SH3RF3: variants seen among roughly 807,000 people sequenced by gnomAD.
SH3RF3 encodes E3 ubiquitin-protein ligase SH3RF3.
SH3RF3 carries 29 observed loss-of-function variants against 66.3 expected under a neutral mutation model. The observed-to-expected ratio is 0.44, with a 90% CI of 0.33 to 0.60. The LOEUF is 0.60. SH3RF3 is among the 20% of genes least tolerant of loss of function. The probability of loss-of-function intolerance (pLI) is 0.04; values close to 1 mark genes in which losing one functional copy is unlikely to be tolerated. For synonymous variants in SH3RF3, 583 were observed against 532.0 expected (o/e 1.10, Z -1.32); for missense variants, 1,194 against 1,190.9 (o/e 1.00, Z -0.04).
intron 4 of SH3RF3, among the ~76,000 whole-genome samples, chr2:109,400,359 G>A (rs956474447): frequency 3.3e-5 from 5 of 151,520 alleles, no homozygotes; most frequent in South Asian, 2.1e-4. Context: ...TACATACACC[G>A]CCATCCACAT....
intron 1 of SH3RF3, among the ~76,000 whole-genome samples, chr2:109,206,694 T>C (rs1678849913): frequency 1.3e-5 from 2 of 152,052 alleles, no homozygotes; most frequent in African/African-American, 4.8e-5. Flanking sequence ...TGTATGCTTA[T>C]AATTCCAGCT....
intron 3 of SH3RF3, among the ~76,000 whole-genome samples, chr2:109,375,684 A>C (rs1683366037): frequency 6.6e-6 from 1 of 152,222 alleles, no homozygotes; most frequent in African/African-American, 2.4e-5. Flanking sequence ...GGACTCCGTC[A>C]TCCAGAGTTC....
intron 1 of SH3RF3, among the ~76,000 whole-genome samples, chr2:109,253,668 G>C (rs1680149861): frequency 6.6e-6 from 1 of 152,038 alleles, no homozygotes; most frequent in South Asian, 2.1e-4. Flanking sequence ...GTTGTATCTG[G>C]GTCATTTGGA....
At chr2:109,300,895 T>C (rs1681450356) in intron 1 of SH3RF3, among the ~76,000 whole-genome samples, 1 of 152,228 alleles carries the variant, frequency 6.6e-6, no homozygotes, top group African/African-American at 2.4e-5. Flanking sequence ...TCTGCTGCTT[T>C]GGAGGCAGCT....
intron 7 of SH3RF3, among the ~76,000 whole-genome samples, chr2:109,441,415 A>G (rs577331920): frequency 2.0e-5 from 3 of 152,358 alleles, no homozygotes; most frequent in African/African-American, 7.2e-5. Flanking sequence ...AGAATATACT[A>G]GATGGAATTA....
intron 2 of SH3RF3, among the ~76,000 whole-genome samples, chr2:109,367,128 T>C (rs973798693): frequency 5.4e-5 from 8 of 149,236 alleles, no homozygotes; most frequent in African/African-American, 2.0e-4. Context: ...AATTTTTTTT[T>C]TTTTTTTTTT....
At chr2:109,347,623 G>C (rs1423242065) in intron 1 of SH3RF3, 51 bp from the exon 2 acceptor site, 1 of 1,586,038 alleles carries the variant, frequency 6.3e-7, no homozygotes, top group Non-Finnish European at 8.6e-7. Context: ...TCCACTGTGG[G>C]GCATTGGGAA....
intron 1 of SH3RF3, among the ~76,000 whole-genome samples, chr2:109,242,767 C>G (rs1053633660): frequency 6.6e-6 from 1 of 152,176 alleles, no homozygotes; most frequent in Admixed American, 6.5e-5. Context: ...TCCCCAGTGA[C>G]GTCCTCAGGC....
chr2:109,425,595 G>A lies in SH3RF3; in HGVS notation c.1403+5953G>A, dbSNP rs184458256. Among the ~76,000 whole-genome samples, 6 of 152,262 alleles carry A rather than the reference G, an allele frequency of 3.9e-5. No homozygotes were observed. The East Asian group carries it at 1.2e-3, about 29-fold the overall frequency. On this transcript the variant is annotated intron_variant, in intron 5 of 9. Coordinates refer to ENST00000309415, the MANE Select transcript of SH3RF3 (RefSeq NM_001099289.3). ...TTAAGAATTATGCTAAATCTACTCTGCCTGTGCTGTGTAAATGGGACAACC... is the reference window on the plus strand; with the variant it reads ...TTAAGAATTATGCTAAATCTACTCTACCTGTGCTGTGTAAATGGGACAACC...
intron 1 of SH3RF3, among the ~76,000 whole-genome samples, chr2:109,268,483 T>G (rs1156236167): frequency 6.6e-6 from 1 of 152,110 alleles, no homozygotes; most frequent in Non-Finnish European, 1.5e-5. Flanking sequence ...CTTTCTCCCC[T>G]CAGTGGCCTC....
intron 1 of SH3RF3, among the ~76,000 whole-genome samples, chr2:109,306,972 G>T (rs1041168551): frequency 6.6e-6 from 1 of 152,196 alleles, no homozygotes; most frequent in Admixed American, 6.5e-5. Flanking sequence ...ATTGCTTGCC[G>T]CTTGGCATGA....
chr2:109,254,874 C>T (rs978782876), intron 1 of SH3RF3, among the ~76,000 whole-genome samples: 2 of 152,154 alleles, frequency 1.3e-5, no homozygotes, highest in African/African-American at 4.8e-5. Context: ...CGAATTCTCA[C>T]GGGTGGGCTC....
At chr2:109,362,814 A>G (rs1167167481) in intron 2 of SH3RF3, among the ~76,000 whole-genome samples, 1 of 152,152 alleles carries the variant, frequency 6.6e-6, no homozygotes, top group Non-Finnish European at 1.5e-5. Flanking sequence ...CTTCGTCATT[A>G]TGTAATGCCC....
intron 8 of SH3RF3, among the ~76,000 whole-genome samples, chr2:109,456,482 C>G (rs1678062407): frequency 6.6e-6 from 1 of 152,234 alleles, no homozygotes; most frequent in Non-Finnish European, 1.5e-5. Flanking sequence ...GGCAACCTTT[C>G]TCTAAGTTAG....
chr2:109,156,326 C>CTGGG, intron 1 of SH3RF3, among the ~76,000 whole-genome samples: 1 of 152,340 alleles, frequency 6.6e-6, no homozygotes, highest in Middle Eastern at 3.4e-3. Context: ...TCTTCCCCTG[C>CTGGG]TGGGACTGTG....
intron 1 of SH3RF3, among the ~76,000 whole-genome samples, chr2:109,318,462 G>A (rs1012778646): frequency 1.3e-5 from 2 of 152,170 alleles, no homozygotes; most frequent in Non-Finnish European, 2.9e-5. Flanking sequence ...GGTGGCTCTC[G>A]GCATACGCGT....
chr2:109,254,279 G>A (rs1046388058), intron 1 of SH3RF3, among the ~76,000 whole-genome samples: 3 of 152,180 alleles, frequency 2.0e-5, no homozygotes, highest in African/African-American at 7.2e-5. Flanking sequence ...TTAGCACGCA[G>A]CAGCATAGTG....
intron 9 of SH3RF3, among the ~76,000 whole-genome samples, chr2:109,494,767 G>C (rs1679217211): frequency 6.6e-6 from 1 of 152,126 alleles, no homozygotes; most frequent in South Asian, 2.1e-4. Flanking sequence ...GGAGGAATGG[G>C]CAGTGTTGCT....
intron 2 of SH3RF3, among the ~76,000 whole-genome samples, chr2:109,357,547 C>G (rs1369008408): frequency 6.6e-6 from 1 of 152,200 alleles, no homozygotes; most frequent in Non-Finnish European, 1.5e-5. Flanking sequence ...CTGACAGTTA[C>G]CAGCCCGCCC....
Sources: gnomAD v4.1 joint callset for allele counts (sites outside exome capture counted in the v4.1 genomes callset) on GRCh38, gnomAD v4.1.1 for gene constraint, MANE v1.5 for transcripts, NCBI Gene and HGNC (gene_info 2026-07-23, HGNC 2026-07-21) for gene names.